HIVEP1: variants seen among roughly 807,000 people sequenced by gnomAD.
HIVEP1 encodes the protein HIVEP zinc finger 1.
In HIVEP1, 36 loss-of-function variants were observed where a neutral mutation model predicts 180.0. The observed-to-expected ratio is 0.20, with a 90% CI of 0.15 to 0.26. HIVEP1 has a LOEUF of 0.26. Among genes scored for constraint, HIVEP1 ranks in the 10% least tolerant of loss-of-function variants. The probability of loss-of-function intolerance (pLI) is 1.00; values close to 1 mark genes in which losing one functional copy is unlikely to be tolerated. For missense variants in HIVEP1, 3,143 were observed against 3,268.7 expected, an observed-to-expected ratio of 0.96 and a Z score of 0.94; for synonymous variants, 1,239 against 1,239.0, an observed-to-expected ratio of 1.00 and a Z score of 0.00.
At chr6:12,176,233 GTTT>G in the HIVEP1 span, among the ~76,000 whole-genome samples, 2 of 133,460 alleles carry the variant, frequency 1.5e-5, no homozygotes, top group African/African-American at 2.8e-5. Flanking sequence ...TAAGTCTTGG[GTTT>G]TTTTTTTTTT....
upstream of HIVEP1, among the ~76,000 whole-genome samples, chr6:12,010,363 T>A (rs1015333944): frequency 6.6e-6 from 1 of 152,244 alleles, no homozygotes; most frequent in African/African-American, 2.4e-5. Flanking sequence ...TTACTGAGTA[T>A]TCCATTTTTA....
intron 3 of HIVEP1, among the ~76,000 whole-genome samples, chr6:12,101,211 ACTTT>A (rs1774093060): frequency 6.6e-6 from 1 of 152,200 alleles, no homozygotes; most frequent in Admixed American, 6.5e-5. Flanking sequence ...TGTTCTTACC[ACTTT>A]CTGTGAAGTA....
intron 2 of HIVEP1, among the ~76,000 whole-genome samples, chr6:12,050,299 C>A (rs1192096976): frequency 1.3e-5 from 2 of 152,152 alleles, no homozygotes; most frequent in Non-Finnish European, 2.9e-5. Context: ...AAATTAAACA[C>A]CATCGGCCGG....
chr6:12,091,807 T>C (rs146145453), intron 3 of HIVEP1, among the ~76,000 whole-genome samples: 301 of 152,266 alleles, frequency 2.0e-3, no homozygotes, highest in African/African-American at 6.7e-3. Context: ...AGTCATTATG[T>C]TTTTCCTTAC....
chr6:12,129,642 A>G (rs1581747711), intron 4 of HIVEP1, 117 bp from the exon 5 acceptor site: 1 of 811,520 alleles, frequency 1.2e-6, no homozygotes, highest in East Asian at 2.6e-5. Context: ...TACTACTTTG[A>G]AATGCATTTC....
chr6:12,095,454 G>GT (rs1395386414), intron 3 of HIVEP1, among the ~76,000 whole-genome samples: 2 of 150,354 alleles, frequency 1.3e-5, no homozygotes, highest in Non-Finnish European at 3.0e-5. Flanking sequence ...TTCTATGCTG[G>GT]TTTCTTCTCT....
At chr6:12,061,578 G>A (rs1771237661) in intron 2 of HIVEP1, among the ~76,000 whole-genome samples, 1 of 152,002 alleles carries the variant, frequency 6.6e-6, no homozygotes, top group South Asian at 2.1e-4. Flanking sequence ...TAGATAAAAT[G>A]CTTATATCTG....
intron 2 of HIVEP1, among the ~76,000 whole-genome samples, chr6:12,037,450 G>A (rs556659042): frequency 1.3e-5 from 2 of 152,208 alleles, no homozygotes; most frequent in Middle Eastern, 6.8e-3. Flanking sequence ...TTGCATTGGT[G>A]GCAAAAATTA....
chr6:12,090,138 TCAG>T (rs1773376497), intron 3 of HIVEP1, among the ~76,000 whole-genome samples: 1 of 152,074 alleles, frequency 6.6e-6, no homozygotes, highest in Non-Finnish European at 1.5e-5. Flanking sequence ...GTAGGGATGG[TCAG>T]GTAGTGAGGT....
At chr6:12,043,217 T>G (rs560145691) in intron 2 of HIVEP1, among the ~76,000 whole-genome samples, 1 of 152,316 alleles carries the variant, frequency 6.6e-6, no homozygotes, top group South Asian at 2.1e-4. Context: ...CCCTAACTTT[T>G]GATTCTCAAG....
chr6:12,030,342 T>C (rs1224224584), intron 2 of HIVEP1, among the ~76,000 whole-genome samples: 1 of 152,172 alleles, frequency 6.6e-6, no homozygotes, highest in African/African-American at 2.4e-5. Context: ...TTTATCAAAT[T>C]TGGGGAGTTT....
intron 7 of HIVEP1, among the ~76,000 whole-genome samples, chr6:12,144,376 G>A (rs936276835): frequency 5.9e-5 from 9 of 152,060 alleles, no homozygotes; most frequent in Non-Finnish European, 1.2e-4. Flanking sequence ...TACAAAAATT[G>A]ATTCAAGATG....
At chr6:12,015,736 C>A in intron 2 of HIVEP1, 68 bp downstream of exon 2, 2 of 1,414,380 alleles carry the variant, frequency 1.4e-6, no homozygotes, top group South Asian at 1.2e-5. Context: ...TCTTTGGTGA[C>A]AGGAATGGCC....
intron 2 of HIVEP1, among the ~76,000 whole-genome samples, chr6:12,035,411 G>A (rs1490943899): frequency 6.6e-6 from 1 of 152,164 alleles, no homozygotes; most frequent in East Asian, 1.9e-4. Flanking sequence ...AATGAAATAA[G>A]AATAGTTCAG....
intron 2 of HIVEP1, among the ~76,000 whole-genome samples, chr6:12,044,485 A>G (rs1049256149): frequency 6.6e-6 from 1 of 152,158 alleles, no homozygotes; most frequent in Admixed American, 6.5e-5. Context: ...AGTCAAAGCC[A>G]GCGCACCTGT....
chr6:12,062,973 TAGA>T (rs1771337087), intron 2 of HIVEP1, among the ~76,000 whole-genome samples: 1 of 152,242 alleles, frequency 6.6e-6, no homozygotes, highest in Non-Finnish European at 1.5e-5. Context: ...AGGTACTTAC[TAGA>T]AGAATACATG....
chr6:12,020,489 G>C (rs915553019), intron 2 of HIVEP1: 1 of 469,826 alleles, frequency 2.1e-6, no homozygotes, highest in African/African-American at 2.0e-5. Flanking sequence ...CTGTGGAGGG[G>C]TTATCTCCAC....
At chr6:12,183,538 CTAAG>C in the HIVEP1 span, among the ~76,000 whole-genome samples, 15 of 152,138 alleles carry the variant, frequency 9.9e-5, no homozygotes, top group Non-Finnish European at 2.1e-4. Flanking sequence ...ACTGAGTTAA[CTAAG>C]TTTTAATCAA....
chr6:12,156,762 G>C (rs965405228), intron 7 of HIVEP1, among the ~76,000 whole-genome samples: 1 of 152,178 alleles, frequency 6.6e-6, no homozygotes, highest in Non-Finnish European at 1.5e-5. Context: ...TTGTAGCTCA[G>C]AATATGGTAT....
Sources: allele counts gnomAD v4.1 joint callset (sites outside exome capture counted in the v4.1 genomes callset), GRCh38; gene constraint gnomAD v4.1.1; transcripts MANE v1.5; gene names NCBI Gene and HGNC (gene_info 2026-07-23, HGNC 2026-07-21).